Variants in PTDSS2 observed in about 807,000 individuals in gnomAD.
PTDSS2 encodes PSS-2.
Under a neutral mutation model 64.7 loss-of-function variants are expected in PTDSS2, and 41 were observed. The observed-to-expected ratio is 0.63, with a 90% confidence interval of 0.49 to 0.82. The LOEUF (loss-of-function observed/expected upper bound fraction) is 0.82, where lower values mean the gene tolerates loss of function less well. Ranked by LOEUF, PTDSS2 falls within the 40% of genes least tolerant of loss-of-function variation. The probability of loss-of-function intolerance (pLI) is 0.00; values close to 1 mark genes in which losing one functional copy is unlikely to be tolerated. For missense variants in PTDSS2, 485 were observed against 650.0 expected, an observed-to-expected ratio of 0.75 and a Z score of 2.76; for synonymous variants, 297 against 277.8, an observed-to-expected ratio of 1.07 and a Z score of -0.69.
chr11:490,370 C>T, intron 11 of PTDSS2, 50 bp from the exon 12 acceptor site: 2 of 1,610,688 alleles, frequency 1.2e-6, no homozygotes, highest in Non-Finnish European at 1.7e-6. Flanking sequence ...ATGGGGCCTG[C>T]AGTGGGGCTG....
At chr11:472,507 T>G (rs981442174) in intron 2 of PTDSS2, among the ~76,000 whole-genome samples, 3 of 152,142 alleles carry the variant, frequency 2.0e-5, no homozygotes, top group Non-Finnish European at 4.4e-5. Context: ...TTCGCCTGGG[T>G]GGGCCATGAA....
At position 485,007 on chromosome 11, in the gene PTDSS2, C is replaced by T. The variant is rs548694426; in HGVS notation, c.436-1932C>T. Among the ~76,000 whole-genome samples the T allele has an allele frequency of 7.0e-4, 93 of 132,060 alleles. 2 individuals are homozygous for T. The highest frequency in any genetic ancestry group is 2.6e-3 in the African/African-American group (89 of 33,924). The allele number at this position is 132,060 out of a possible 152,430, so 86.6% of individuals were successfully genotyped here. Reference sequence around the variant, plus strand: ...CGGGCACGTGTGCTCACTGCGCAGGCGAGCGTAAACAGTGCACGGGCGCGT... The same window carrying T: ...CGGGCACGTGTGCTCACTGCGCAGGTGAGCGTAAACAGTGCACGGGCGCGT... On this transcript the variant is annotated intron_variant, in intron 4 of 11. Coordinates refer to ENST00000308020, the MANE Select transcript of PTDSS2 (RefSeq NM_030783.3).
In PTDSS2 at chr11:473,764, C is replaced by T. The variant is rs940660197; in HGVS notation, c.285-131C>T. On this transcript the variant is annotated intron_variant, in intron 2 of 11. Transcript: ENST00000308020. ...CGCGGCGGAGTCGCCCAGCTCTGCC[C>T]GAGGCCCCTTCCTCCCGCCCCAGCA... 7.3e-5 allele frequency: 54 copies of T among 741,880 alleles called. No individual in the cohort carries two copies. The Admixed American group carries it at 8.5e-4, about 12-fold the overall frequency. 46.0% of individuals were successfully genotyped at this position (741,880 alleles called of 1,614,324 possible).
chr11:490,149 G>A, intron 11 of PTDSS2, 81 bp downstream of exon 11: 1 of 1,416,872 alleles, frequency 7.1e-7, no homozygotes, highest in Non-Finnish European at 9.6e-7. Context: ...GGAGTTTGGT[G>A]TCGTTGGTGT....
chr11:462,447 CTA>C lies in PTDSS2; in HGVS notation c.284+2160_284+2161del, dbSNP rs1307550531. Among the ~76,000 whole-genome samples the C allele has an allele frequency of 6.6e-6, 1 of 152,222 alleles. No individual in the cohort carries two copies. The highest frequency in any genetic ancestry group is 1.5e-5 in the Non-Finnish European group (1 of 68,036). On this transcript the variant is annotated intron_variant, in intron 2 of 11. Coordinates refer to ENST00000308020, the MANE Select transcript of PTDSS2 (RefSeq NM_030783.3). This position sits in a 1 kb window ranked among gnomAD's most constrained non-coding sequence, Gnocchi z 4.5. Reference sequence around the variant, plus strand: ...TCTCTGAGGTTCTGTTCTGGGGACACTAAACGCGCTCCCAACTCACATTCTCT... The same window carrying C: ...TCTCTGAGGTTCTGTTCTGGGGACACAACGCGCTCCCAACTCACATTCTCT...
At chr11:451,029 A>T (rs1483027624) in intron 1 of PTDSS2, among the ~76,000 whole-genome samples, 1 of 151,500 alleles carries the variant, frequency 6.6e-6, no homozygotes, top group East Asian at 2.0e-4. Flanking sequence ...TCGAAGCTTC[A>T]CCTGTGTCCC....
chr11:473,821 G>A, intron 2 of PTDSS2, 74 bp from the exon 3 acceptor site: 1 of 1,132,684 alleles, frequency 8.8e-7, no homozygotes, highest in Non-Finnish European at 1.3e-6. Flanking sequence ...GTGTCTGGGG[G>A]TCCCTGCAGC....
In PTDSS2 at chr11:450,321, C is replaced by A; in HGVS notation, c.-135C>A. 1.4e-6 allele frequency: 1 copy of A among 731,124 alleles called. No homozygotes were observed. The highest frequency in any genetic ancestry group is 1.9e-6 in the Non-Finnish European group (1 of 536,578). The allele number at this position is 731,124 out of a possible 1,614,324, so 45.3% of individuals were successfully genotyped here. A position where few individuals can be genotyped will look rare whatever the true frequency, so the allele number is the denominator to read the frequency against. Reference sequence around the variant, plus strand: ...CTTTACTGGCCGGCCCCGCGCTGCTCTCCTAAGACCCCGCGGGCCAGCGCC... The same window carrying A: ...CTTTACTGGCCGGCCCCGCGCTGCTATCCTAAGACCCCGCGGGCCAGCGCC... On this transcript the variant is annotated 5_prime_UTR_variant, in exon 1 of 12. Transcript: ENST00000308020.
intron 6 of PTDSS2, 117 bp downstream of exon 6, chr11:487,587 T>G: frequency 1.0e-6 from 1 of 966,946 alleles, no homozygotes; most frequent in Non-Finnish European, 1.7e-6. Flanking sequence ...TGGGAGGGTG[T>G]CGCACTGCAG....
At chr11:488,908 A>C (rs527733889) in intron 8 of PTDSS2, among the ~76,000 whole-genome samples, 1 of 152,344 alleles carries the variant, frequency 6.6e-6, no homozygotes, top group Admixed American at 6.5e-5. Flanking sequence ...CTGTGGGATC[A>C]TTCCGTGCTT....
chr11:457,134 A>C (rs1275131685), intron 1 of PTDSS2, among the ~76,000 whole-genome samples: 1 of 152,228 alleles, frequency 6.6e-6, no homozygotes, highest in Non-Finnish European at 1.5e-5. Context: ...CTGCACAAAA[A>C]ATACAGAAAG....
At position 487,072 on chromosome 11, in the gene PTDSS2, G is replaced by C. The variant is rs1227126635; in HGVS notation, c.569G>C (p.Trp190Ser). 6.2e-7 allele frequency: 1 copy of C among 1,612,118 alleles called. No homozygotes were observed. Among genetic ancestry groups the C allele is most frequent in the South Asian group, 1.1e-5 (1 of 90,870 alleles). ...GAGACTGACCCCTTTCACAACATCT[G>C]GGTAAGACGCCGGGGGCCCTGAGGC... ...DNETDPFHNI[W>S]DKLDGFVPAH... is the part of the protein sequence containing the mutation. Residue 190 changes from tryptophan (W) to serine (S), a missense_variant and splice_region_variant, in exon 5 of 12, where the codon TGG becomes TCG. Coordinates refer to ENST00000308020, the MANE Select transcript of PTDSS2 (RefSeq NM_030783.3).
chr11:487,056 C>T lies in PTDSS2; in HGVS notation c.553C>T (p.Pro185Ser), dbSNP rs1848427733. 6.2e-7 allele frequency: 1 copy of T among 1,613,248 alleles called. No individual in the cohort carries two copies. Among genetic ancestry groups the T allele is most frequent in the East Asian group, 2.2e-5 (1 of 44,882 alleles). Residue 185 changes from proline to serine, a missense_variant, in exon 5 of 12, where the codon CCC (proline) becomes TCC (serine). Coordinates refer to ENST00000308020, the MANE Select transcript of PTDSS2 (RefSeq NM_030783.3). The part of the protein sequence containing the change: ...LIYDPDNETD[P>S]FHNIWDKLDG... ...CTACGACCCAGACAATGAGACTGAC[C>T]CCTTTCACAACATCTGGGTAAGACG...
At chr11:459,904 A>T in intron 1 of PTDSS2, 3 of 444,486 alleles carry the variant, frequency 6.7e-6, no homozygotes, top group Non-Finnish European at 8.2e-6. Context: ...CCTGGACGCC[A>T]GTGGCAGCAT....
chr11:456,163 TTTCA>T (rs1014480939), intron 1 of PTDSS2, among the ~76,000 whole-genome samples: 1 of 147,814 alleles, frequency 6.8e-6, no homozygotes, highest in Non-Finnish European at 1.5e-5. Flanking sequence ...TTCTGTTTTC[TTTCA>T]TTCTTTTTTT....
intron 1 of PTDSS2, 108 bp downstream of exon 1, chr11:450,745 C>T (rs1846277905): frequency 9.9e-7 from 1 of 1,008,192 alleles, no homozygotes; most frequent in South Asian, 5.1e-5. Flanking sequence ...TCTTGGAGTC[C>T]AGGACTGTGG....
rs36051705 is a variant in PTDSS2, at chr11:471,097, CTTT to C, written c.285-2782_285-2780del. Reference sequence around the variant, plus strand: ...CACCTTCTCAAGTACTTAAGTAATTCTTTTTTTTTTTTTTTTTTGAGACTGAGT... The same window carrying C: ...CACCTTCTCAAGTACTTAAGTAATTCTTTTTTTTTTTTTTTGAGACTGAGT... On this transcript the variant is annotated intron_variant, in intron 2 of 11. Coordinates refer to ENST00000308020, the MANE Select transcript of PTDSS2 (RefSeq NM_030783.3). Among the ~76,000 whole-genome samples the C allele has an allele frequency of 2.6e-4, 34 of 129,260 alleles. No individual in the cohort carries two copies. The East Asian group carries it at 5.5e-3, about 21-fold the overall frequency. 84.8% of individuals were successfully genotyped at this position (129,260 alleles called of 152,430 possible).
intron 5 of PTDSS2, 71 bp downstream of exon 5, chr11:487,144 C>T (rs1848432313): frequency 7.0e-6 from 10 of 1,418,528 alleles, no homozygotes; most frequent in South Asian, 2.5e-5. Context: ...GCGCCATCCA[C>T]GCTCCTGCCT....
At chr11:465,757 C>T (rs958117690) in intron 2 of PTDSS2, among the ~76,000 whole-genome samples, 1 of 150,488 alleles carries the variant, frequency 6.6e-6, no homozygotes, top group Non-Finnish European at 1.5e-5. Flanking sequence ...AGGACCACCC[C>T]CCCCCCATCT....
Sources: allele counts gnomAD v4.1 joint callset (sites outside exome capture counted in the v4.1 genomes callset), GRCh38; gene constraint gnomAD v4.1.1; non-coding constraint Gnocchi (gnomAD v3.1); transcripts MANE v1.5; gene names NCBI Gene and HGNC (gene_info 2026-07-23, HGNC 2026-07-21).